SIGIRR: variants seen among roughly 807,000 people sequenced by gnomAD.
The protein encoded by SIGIRR is single Ig and TIR domain containing, also known as single Ig IL-1-related receptor.
SIGIRR carries 41 observed loss-of-function variants against 45.6 expected under a neutral mutation model. The observed-to-expected ratio is 0.90, with a 90% CI of 0.70 to 1.17. SIGIRR has a LOEUF of 1.17. SIGIRR is among the 50% of genes most tolerant of loss of function. The pLI is 0.00. For synonymous variants in SIGIRR, 298 were observed against 239.0 expected (o/e 1.25, Z -2.28); for missense variants, 599 against 539.6 (o/e 1.11, Z -1.09).
intron 8 of SIGIRR, 144 bp downstream of exon 8, chr11:406,699 C>T (rs1220857465): frequency 2.1e-6 from 3 of 1,413,188 alleles, no homozygotes; most frequent in African/African-American, 1.4e-5. Context: ...CATCGGGGCC[C>T]CAGGCAGCGG....
chr11:417,340 G>A (rs1847916033), upstream of SIGIRR: 1 of 152,214 alleles, frequency 6.6e-6, no homozygotes, highest in African/African-American at 2.4e-5. The surrounding 1 kb of genome is among the most constrained non-coding windows in gnomAD (Gnocchi z 4.2). Flanking sequence ...GCCAGGACCT[G>A]GGGCTCGCGC....
intron 1 of SIGIRR, among the ~76,000 whole-genome samples, chr11:412,915 C>G (rs925234594): frequency 6.6e-6 from 1 of 152,120 alleles, no homozygotes; most frequent in African/African-American, 2.4e-5. Flanking sequence ...TTTCCCAGCC[C>G]GTAGCAGCAG....
chr11:409,193 C>T (rs749034963), intron 2 of SIGIRR: 44 of 498,892 alleles, frequency 8.8e-5, no homozygotes, highest in Non-Finnish European at 1.5e-4. Context: ...GATGTGAGTC[C>T]AGCCCCCCAT....
chr11:416,850 G>A (rs1262882749), upstream of SIGIRR, among the ~76,000 whole-genome samples: 1 of 152,100 alleles, frequency 6.6e-6, no homozygotes, highest in East Asian at 1.9e-4. This position sits in a 1 kb window ranked among gnomAD's most constrained non-coding sequence, Gnocchi z 9.1. Context: ...CGGGGGTGCG[G>A]CTCGGGGCGC....
chr11:409,149 C>T (rs575583008), intron 2 of SIGIRR: 7 of 548,680 alleles, frequency 1.3e-5, no homozygotes, highest in Admixed American at 3.0e-5. Flanking sequence ...CCCAGGCCCA[C>T]GCTCAAGCCC....
rs1024599746 is a variant in SIGIRR at position 406,461 on chromosome 11, G to C, written c.957C>G (p.Asp319Glu). 2 of 1,612,640 alleles carry C rather than the reference G, an allele frequency of 1.2e-6. No individual in the cohort carries two copies. The highest frequency in any genetic ancestry group is 1.7e-5 in the Admixed American group (1 of 60,028). The change falls in exon 9 of 10, where the codon GAC (aspartate) becomes GAG (glutamate). Residue 319 changes from aspartate (D) to glutamate (E), a missense_variant. By Grantham distance (45) the Asp-to-Glu change is conservative (BLOSUM62 2). Coordinates refer to ENST00000431843, the MANE Select transcript of SIGIRR (RefSeq NM_001135054.2). ...TGTCGTCCTGCAGCTGCGTCTGGGGGTCTCCTTCCACAGGCCTGTACTGCA... is the reference window on the plus strand; with the variant it reads ...TGTCGTCCTGCAGCTGCGTCTGGGGCTCTCCTTCCACAGGCCTGTACTGCA... ...RKVQYRPVEG[D>E]PQTQLQDDKD...
chr11:408,719 TG>T lies in SIGIRR; in HGVS notation c.181del (p.His61ThrfsTer27), dbSNP rs1847462590. 1 of 1,612,736 alleles carries T rather than the reference TG, an allele frequency of 6.2e-7. No individual in the cohort carries two copies. The highest frequency in any genetic ancestry group is 8.5e-7 in the Non-Finnish European group (1 of 1,179,946). On this transcript the variant is annotated frameshift_variant, in exon 3 of 10. Transcript: ENST00000431843. LOFTEE classifies it high-confidence loss of function. ...KDGLPLGIGG[H>X]YSLHEYSWVK... ...CCAGGAGTACTCGTGGAGGCTGTAGTGGCCCCCAATTCCCAATGGAAGCCCG... is the reference window on the plus strand; with the variant it reads ...CCAGGAGTACTCGTGGAGGCTGTAGTGCCCCCAATTCCCAATGGAAGCCCG...
At chr11:409,809 C>A in intron 2 of SIGIRR, 59 bp downstream of exon 2, 3 of 1,370,520 alleles carry the variant, frequency 2.2e-6, no homozygotes, top group Non-Finnish European at 2.8e-6. Flanking sequence ...GTGGAGCCAG[C>A]CTGAGGGGCA....
In SIGIRR at chr11:408,213, A is replaced by T. The variant is rs1258068243; in HGVS notation, c.207-7T>A. On this transcript the variant is annotated splice_region_variant and splice_polypyrimidine_tract_variant and intron_variant, in intron 3 of 9. Transcript: ENST00000431843. ...TGACAGGTTGGCCTTGACCCTGGGG[A>T]TACCAAGCCAGGGTCAGGGTCGACT... is the stretch of plus-strand genomic sequence containing the variant. The T allele has an allele frequency of 1.2e-6, 2 of 1,612,190 alleles. No individual in the cohort carries two copies. The highest frequency in any genetic ancestry group is 8.5e-7 in the Non-Finnish European group (1 of 1,179,820).
chr11:406,748 C>G, intron 8 of SIGIRR, 95 bp downstream of exon 8: 1 of 1,431,176 alleles, frequency 7.0e-7, no homozygotes, highest in Non-Finnish European at 9.1e-7. Context: ...CGTGGTGCCG[C>G]AGAGCTCCCC....
At chr11:415,221 T>C (rs1356275138), upstream of SIGIRR, among the ~76,000 whole-genome samples, 2 of 13,460 alleles carry the variant, frequency 1.5e-4, no homozygotes, top group Non-Finnish European at 3.6e-4. The surrounding 1 kb of genome is among the most constrained non-coding windows in gnomAD (Gnocchi z 6.6). Context: ...TGTGTGTGTG[T>C]GTGTGTGTGT....
At chr11:410,343 G>C (rs973696116) in intron 1 of SIGIRR, among the ~76,000 whole-genome samples, 1 of 152,142 alleles carries the variant, frequency 6.6e-6, no homozygotes, top group African/African-American at 2.4e-5. Context: ...CGACATGGCA[G>C]TTGGCCTCAC....
chr11:407,081 A>G lies in SIGIRR; in HGVS notation c.709T>C (p.Trp237Arg). ...ACCCACCGGAAGCTGTGGCTGCACC[A>G]GGCCCGGCTCAGGAAGGCGTCCGAA... Reference protein sequence around the residue: ...VLSDAFLSRAWCSHSFREGLC... With the variant: ...VLSDAFLSRARCSHSFREGLC... Residue 237 changes from tryptophan (W) to arginine (R), a missense_variant, in exon 7 of 10, where the codon TGG becomes CGG. Coordinates refer to ENST00000431843, the MANE Select transcript of SIGIRR (RefSeq NM_001135054.2). 1 of 1,551,328 alleles carries G rather than the reference A, an allele frequency of 6.4e-7. No individual in the cohort carries two copies. Among genetic ancestry groups the G allele is most frequent in the East Asian group, 2.5e-5 (1 of 40,240 alleles).
chr11:415,034 C>G, upstream of SIGIRR: 1 of 264,634 alleles, frequency 3.8e-6, no homozygotes, highest in African/African-American at 2.3e-5. This position sits in a 1 kb window ranked among gnomAD's most constrained non-coding sequence, Gnocchi z 6.6. Flanking sequence ...CACATCCTCT[C>G]CTAACCCTAA....
chr11:407,114 C>CATCCTT lies in SIGIRR; in HGVS notation c.675_676insAAGGAT (p.Ile225_Val226insLysAsp). The CATCCTT allele has an allele frequency of 6.5e-7, 1 of 1,543,306 alleles. No homozygotes were observed. Among genetic ancestry groups the CATCCTT allele is most frequent in the Non-Finnish European group, 8.7e-7 (1 of 1,150,820 alleles). ...CTCAGGAAGGCGTCCGAAAGCACCACGATGAGGCGTCGGCAGCGGCTCAGG... is the reference window on the plus strand; with the variant it reads ...CTCAGGAAGGCGTCCGAAAGCACCACATCCTTGATGAGGCGTCGGCAGCGGCTCAGG... On this transcript the variant is annotated inframe_insertion, in exon 7 of 10. Coordinates refer to ENST00000431843, the MANE Select transcript of SIGIRR (RefSeq NM_001135054.2).
chr11:414,952 G>C lies in SIGIRR; in HGVS notation c.-283C>G. 2 of 868,284 alleles carry C rather than the reference G, an allele frequency of 2.3e-6. No homozygotes were observed. The highest frequency in any genetic ancestry group is 2.8e-6 in the Non-Finnish European group (2 of 723,222). The allele number at this position is 868,284 out of a possible 1,614,324, so 53.8% of individuals were successfully genotyped here. ...GGCTGCTATGGATGCATCGCCAAGC[G>C]CGGTGGGGACCTGGCTTGTGTCTTT... On this transcript the variant is annotated 5_prime_UTR_variant, in exon 1 of 10. Transcript: ENST00000431843.
Position 406,829 on chromosome 11 carries a change from C to T in SIGIRR, c.879+14G>A, listed in dbSNP as rs1223994927. 6.5e-7 allele frequency: 1 copy of T among 1,528,334 alleles called. No individual in the cohort carries two copies. Among genetic ancestry groups the T allele is most frequent in the African/African-American group, 1.4e-5 (1 of 73,206 alleles). The allele number at this position is 1,528,334 out of a possible 1,614,324, so 94.7% of individuals were successfully genotyped here. On this transcript the variant is annotated intron_variant, in intron 8 of 9. Transcript: ENST00000431843. ...CCGCCGCTAGCCCCGGACCCTCCCG[C>T]GCCTGCTCCGCACCACGGAGCCGGG...
At chr11:408,260 C>T (rs1289876704) in intron 3 of SIGIRR, 54 bp from the exon 4 acceptor site, 16 of 1,589,328 alleles carry the variant, frequency 1.0e-5, no homozygotes, top group African/African-American at 2.7e-5. Context: ...TGGACACCCC[C>T]GAACCCCACC....
intron 1 of SIGIRR, among the ~76,000 whole-genome samples, chr11:411,641 G>C (rs1157371376): frequency 8.7e-6 from 1 of 115,362 alleles, no homozygotes; most frequent in Non-Finnish European, 1.9e-5. Flanking sequence ...CAGTCGGGGG[G>C]TGCCCAGCTC....
Sources: allele counts gnomAD v4.1 joint callset (sites outside exome capture counted in the v4.1 genomes callset), GRCh38; gene constraint gnomAD v4.1.1; non-coding constraint Gnocchi (gnomAD v3.1); transcripts MANE v1.5; gene names NCBI Gene and HGNC (gene_info 2026-07-23, HGNC 2026-07-21).